Variants in DCDC2C observed in about 807,000 individuals in gnomAD.
DCDC2C encodes the protein doublecortin domain-containing protein 2C.
A neutral mutation model predicts 45.0 loss-of-function variants in DCDC2C; 44 were observed. That is an observed-to-expected ratio of 0.98 (90% confidence interval 0.77 to 1.26). The LOEUF (loss-of-function observed/expected upper bound fraction) is 1.26, where lower values mean the gene tolerates loss of function less well. Among genes scored for constraint, DCDC2C ranks in the 50% most tolerant of loss-of-function variants. DCDC2C has a pLI of 0.00. For missense variants in DCDC2C, 447 were observed against 468.9 expected (o/e 0.95, Z 0.43); for synonymous variants, 187 against 178.8 (o/e 1.05, Z -0.37).
intron 4 of DCDC2C, among the ~76,000 whole-genome samples, chr2:3,745,980 T>G (rs2148115051): frequency 6.6e-6 from 1 of 152,340 alleles, no homozygotes; most frequent in Admixed American, 6.5e-5. Flanking sequence ...TTTGAACTTT[T>G]GGAATAATGT....
At chr2:3,739,914 G>T (rs1316157121) in intron 3 of DCDC2C, among the ~76,000 whole-genome samples, 1 of 152,234 alleles carries the variant, frequency 6.6e-6, no homozygotes, top group Non-Finnish European at 1.5e-5. Flanking sequence ...CTGCCATGGG[G>T]TCGGAGCCCC....
chr2:3,800,139 C>T (rs907253239), intron 10 of DCDC2C, among the ~76,000 whole-genome samples: 9 of 152,168 alleles, frequency 5.9e-5, no homozygotes, highest in Admixed American at 2.0e-4. Flanking sequence ...TTCCAGGTGC[C>T]GTCTGTCACC....
intron 10 of DCDC2C, among the ~76,000 whole-genome samples, chr2:3,830,303 T>G (rs1241082987): frequency 6.8e-6 from 1 of 146,346 alleles, no homozygotes; most frequent in African/African-American, 2.5e-5. Context: ...TTATTGGAGG[T>G]TTTTTTTTTT....
intron 10 of DCDC2C, among the ~76,000 whole-genome samples, chr2:3,785,801 G>A (rs949495535): frequency 2.0e-5 from 3 of 152,148 alleles, no homozygotes; most frequent in Admixed American, 2.0e-4. Flanking sequence ...CGCAAAGGAC[G>A]TGAGCCCTGA....
At chr2:3,742,595 C>T (rs1244085149) in intron 4 of DCDC2C, among the ~76,000 whole-genome samples, 1 of 152,180 alleles carries the variant, frequency 6.6e-6, no homozygotes, top group African/African-American at 2.4e-5. Flanking sequence ...TTCCTAACTC[C>T]TCAATGCATG....
intron 10 of DCDC2C, among the ~76,000 whole-genome samples, chr2:3,787,863 A>G (rs1239274470): frequency 1.3e-5 from 2 of 152,240 alleles, no homozygotes. Flanking sequence ...AAGAAATACT[A>G]GGAATCAGTA....
chr2:3,773,260 T>A (rs1318637043), intron 8 of DCDC2C, among the ~76,000 whole-genome samples: 3 of 152,038 alleles, frequency 2.0e-5, no homozygotes, highest in Non-Finnish European at 4.4e-5. Flanking sequence ...TTTTTTTCCC[T>A]CCTAGGCTGC....
chr2:3,755,863 G>A (rs1469410480), intron 6 of DCDC2C, among the ~76,000 whole-genome samples: 2 of 144,828 alleles, frequency 1.4e-5, no homozygotes, highest in African/African-American at 4.9e-5. Flanking sequence ...TATGCATATG[G>A]ATGCATATGT....
intron 6 of DCDC2C, among the ~76,000 whole-genome samples, chr2:3,766,299 TACACACACACGCACACACACACAC>T (rs1410882208): frequency 6.8e-6 from 1 of 146,492 alleles, no homozygotes; most frequent in Non-Finnish European, 1.5e-5. Context: ...TACATACACA[TACACACACACGCACACACACACAC>T]ACACACACAC....
At chr2:3,747,229 G>A (rs756367677) in intron 4 of DCDC2C, among the ~76,000 whole-genome samples, 4 of 152,186 alleles carry the variant, frequency 2.6e-5, no homozygotes, top group Non-Finnish European at 4.4e-5. Flanking sequence ...GGAGCTTCCC[G>A]CCTCGGTTTC....
At chr2:3,730,466 G>A (rs1347293450) in intron 3 of DCDC2C, among the ~76,000 whole-genome samples, 2 of 152,036 alleles carry the variant, frequency 1.3e-5, no homozygotes, top group Admixed American at 6.5e-5. Flanking sequence ...CCATCATTAC[G>A]ACAGAACAAA....
At position 3,734,996 on chromosome 2, in the gene DCDC2C, A is replaced by G. The variant is rs1668981427; in HGVS notation, c.417-6924A>G. Reference sequence around the variant, plus strand: ...AGGCATCCACATCCTACCGCATCCCACAAGACCCCCACTTTCTCGCTCCCA... The same window carrying G: ...AGGCATCCACATCCTACCGCATCCCGCAAGACCCCCACTTTCTCGCTCCCA... On this transcript the variant is annotated intron_variant, in intron 3 of 10. Coordinates refer to ENST00000399143, the MANE Select transcript of DCDC2C (RefSeq NM_001287444.2). The surrounding 1 kb of genome is among the most constrained non-coding windows in gnomAD (Gnocchi z 4.2). Among the ~76,000 whole-genome samples the G allele has an allele frequency of 5.3e-5, 8 of 152,302 alleles. No homozygotes were observed. The highest frequency in any genetic ancestry group is 3.9e-4 in the Admixed American group (6 of 15,284).
chr2:3,813,729 C>A lies in DCDC2C; in HGVS notation c.1065+28629C>A, dbSNP rs185436320. ...TTATCAGAGACTAGGATTGCAACCC[C>A]TGCTTTTTTTTTTTTTTTTTGCTTC... On this transcript the variant is annotated intron_variant, in intron 10 of 10. Coordinates refer to ENST00000399143, the MANE Select transcript of DCDC2C (RefSeq NM_001287444.2). Among the ~76,000 whole-genome samples the A allele has an allele frequency of 7.6e-5, 8 of 105,810 alleles. No homozygotes were observed. In the East Asian group the frequency reaches 2.5e-3, roughly 32 times the overall value. The allele number at this position is 105,810 out of a possible 152,430, so 69.4% of individuals were successfully genotyped here.
chr2:3,794,222 A>G (rs1670896178), intron 10 of DCDC2C, among the ~76,000 whole-genome samples: 1 of 152,240 alleles, frequency 6.6e-6, no homozygotes. Flanking sequence ...CAAATGTATG[A>G]CACATTTAAT....
Position 3,703,920 on chromosome 2 carries a change from C to T in DCDC2C, c.169C>T (p.Pro57Ser). 1.5e-6 allele frequency: 2 copies of T among 1,339,448 alleles called. No individual in the cohort carries two copies. Among genetic ancestry groups the T allele is most frequent in the South Asian group, 3.7e-5 (2 of 53,550 alleles). The allele number at this position is 1,339,448 out of a possible 1,614,324, so 83.0% of individuals were successfully genotyped here. A position where few individuals can be genotyped will look rare whatever the true frequency, so the allele number is the denominator to read the frequency against. The change falls in exon 1 of 11, where the codon CCG becomes TCG. Residue 57 changes from proline (P) to serine (S), a missense_variant. Transcript: ENST00000399143. This position sits in a 1 kb window ranked among gnomAD's most constrained non-coding sequence, Gnocchi z 4.4. ...LEQLTEQVDVPFGVRRLFTPT... is the reference protein window; with the variant it reads ...LEQLTEQVDVSFGVRRLFTPT... ...GCAGCTCACGGAGCAGGTGGACGTC[C>T]CGTTCGGCGTGCGCCGCCTCTTCAC...
intron 2 of DCDC2C, among the ~76,000 whole-genome samples, chr2:3,725,620 C>CTGA (rs1668638982): frequency 9.4e-6 from 1 of 106,608 alleles, no homozygotes; most frequent in African/African-American, 3.6e-5. Flanking sequence ...GGAGGGAGAC[C>CTGA]GCCAGAGTGA....
chr2:3,736,378 G>A (rs1323619252), intron 3 of DCDC2C, among the ~76,000 whole-genome samples: 4 of 152,228 alleles, frequency 2.6e-5, no homozygotes, highest in African/African-American at 7.2e-5. Flanking sequence ...GTGACTCGGA[G>A]GAACGGAGCA....
At chr2:3,738,699 C>T (rs1161189549) in intron 3 of DCDC2C, among the ~76,000 whole-genome samples, 1 of 152,134 alleles carries the variant, frequency 6.6e-6, no homozygotes, top group Non-Finnish European at 1.5e-5. Context: ...ACTGCATGCA[C>T]TGTTGTGTAC....
chr2:3,820,056 G>A lies in DCDC2C; in HGVS notation c.1066-27098G>A, dbSNP rs145152486. Among the ~76,000 whole-genome samples, 569 of 152,286 alleles carry A rather than the reference G, an allele frequency of 3.7e-3. 2 individuals carry two copies. The highest frequency in any genetic ancestry group is 7.0e-3 in the Non-Finnish European group (479 of 68,030). On this transcript the variant is annotated intron_variant, in intron 10 of 10. Transcript: ENST00000399143. ...GGGGTGGAGACCGAAGGAACAGACA[G>A]GAGAGAAAGAAGAAAGATTTGGGAT...
Sources: allele counts gnomAD v4.1 joint callset (sites outside exome capture counted in the v4.1 genomes callset), GRCh38; gene constraint gnomAD v4.1.1; non-coding constraint Gnocchi (gnomAD v3.1); transcripts MANE v1.5; gene names NCBI Gene and HGNC (gene_info 2026-07-23, HGNC 2026-07-21).